The following TBL1XR1 variants were observed in gnomAD, a reference collection of about 807,000 sequenced individuals.
The protein encoded by TBL1XR1 is TBL1X/Y related 1.
TBL1XR1 carries 5 observed loss-of-function variants against 66.9 expected under a neutral mutation model. That is an observed-to-expected ratio of 0.07 (90% CI 0.04 to 0.16). The LOEUF is 0.16. Ranked by LOEUF, TBL1XR1 falls within the 10% of genes least tolerant of loss-of-function variation. The probability of loss-of-function intolerance (pLI) is 1.00; values close to 1 mark genes in which losing one functional copy is unlikely to be tolerated. For synonymous variants in TBL1XR1, 210 were observed against 206.0 expected (o/e 1.02, Z -0.17); for missense variants, 238 against 623.2 (o/e 0.38, Z 6.58).
upstream of TBL1XR1, among the ~76,000 whole-genome samples, chr3:177,198,727 A>G (rs1737240637): frequency 6.6e-6 from 1 of 152,234 alleles, no homozygotes; most frequent in South Asian, 2.1e-4. Context: ...CTGCCTTCAA[A>G]GCAAAATAAT....
In TBL1XR1 at chr3:177,046,208, G is replaced by A. The variant is rs375720678; in HGVS notation, c.865-19C>T. The A allele has an allele frequency of 6.3e-5, 96 of 1,524,058 alleles. No homozygotes were observed. The African/African-American group carries it at 1.1e-3, about 17-fold the overall frequency. The allele number at this position is 1,524,058 out of a possible 1,614,324, so 94.4% of individuals were successfully genotyped here. On this transcript the variant is annotated intron_variant, in intron 9 of 15. Coordinates refer to ENST00000457928, the MANE Select transcript of TBL1XR1 (RefSeq NM_024665.7). ...TTGTAGTCTGAGATTAAAAGGAAAAGAAAAATAAACTCATGGAAAGAAGTT... is the reference window on the plus strand; with the variant it reads ...TTGTAGTCTGAGATTAAAAGGAAAAAAAAAATAAACTCATGGAAAGAAGTT...
chr3:177,147,079 C>G (rs1471604520), intron 1 of TBL1XR1, among the ~76,000 whole-genome samples: 1 of 149,296 alleles, frequency 6.7e-6, no homozygotes, highest in Non-Finnish European at 1.5e-5. Context: ...TGTAGTCTTA[C>G]TCTATCACCC....
intron 2 of TBL1XR1, among the ~76,000 whole-genome samples, chr3:177,091,368 CATT>C (rs1195472186): frequency 7.9e-5 from 12 of 151,906 alleles, no homozygotes; most frequent in African/African-American, 2.2e-4. Context: ...TTGTTTAATA[CATT>C]ATTTTCTATT....
intron 2 of TBL1XR1, among the ~76,000 whole-genome samples, chr3:177,081,638 TG>T (rs1445011356): frequency 6.6e-6 from 1 of 150,476 alleles, no homozygotes; most frequent in Non-Finnish European, 1.5e-5. Context: ...CTCAGGAGGG[TG>T]GGGTGGGAGG....
Position 177,059,243 on chromosome 3 carries a change from G to A in TBL1XR1, c.59-5325C>T, listed in dbSNP as rs569336155. On this transcript the variant is annotated intron_variant, in intron 3 of 15. Transcript: ENST00000457928. The stretch of plus-strand genomic sequence containing the variant: ...AATGTCTGTTCATAAATGGCACTGG[G>A]CATAAGGTACATAGGAAGGAATGGC... Among the ~76,000 whole-genome samples the A allele has an allele frequency of 2.0e-5, 3 of 152,242 alleles. No individual in the cohort carries two copies. The East Asian group carries it at 5.8e-4, about 29-fold the overall frequency.
intron 1 of TBL1XR1, among the ~76,000 whole-genome samples, chr3:177,136,686 C>T (rs1430110929): frequency 1.3e-5 from 2 of 152,120 alleles, no homozygotes; most frequent in Non-Finnish European, 2.9e-5. Context: ...GTTTAAAAGG[C>T]GTCACATGAA....
chr3:177,171,555 AGGTGT>A (rs1197737728), intron 1 of TBL1XR1: 1 of 148,746 alleles, frequency 6.7e-6, no homozygotes, highest in Non-Finnish European at 1.5e-5. Flanking sequence ...AAAATTAACC[AGGTGT>A]GGTGTGGTGG....
Position 177,051,519 on chromosome 3 carries a change from C to A in TBL1XR1, c.412G>T (p.Ala138Ser), listed in dbSNP as rs1255617695. 1.2e-6 allele frequency: 2 copies of A among 1,612,236 alleles called. No homozygotes were observed. The highest frequency in any genetic ancestry group is 2.7e-5 in the African/African-American group (2 of 74,740). ...CTGAGCTCACTTGCTATAGTATGTG[C>A]TCCATTCTCCTCCCCATTTGCTGTG... ...ENTANGEENG[A>S]HTIANNHTDM... Residue 138 changes from alanine (A) to serine (S), a missense_variant, in exon 5 of 16, where the codon GCA becomes TCA. Transcript: ENST00000457928.
At chr3:177,029,176 C>T (rs1307929248) in intron 14 of TBL1XR1, among the ~76,000 whole-genome samples, 1 of 151,644 alleles carries the variant, frequency 6.6e-6, no homozygotes, top group African/African-American at 2.4e-5. Flanking sequence ...TGGCATGTGC[C>T]TGTAGACCCA....
At chr3:177,065,050 T>C in intron 2 of TBL1XR1, 28 bp from the exon 3 acceptor site, 1 of 1,315,586 alleles carries the variant, frequency 7.6e-7, no homozygotes, top group African/African-American at 1.6e-5. Context: ...TTAATTATTT[T>C]CTCAGTAAAA....
At chr3:177,070,778 G>A (rs1244722388) in intron 2 of TBL1XR1, among the ~76,000 whole-genome samples, 1 of 151,780 alleles carries the variant, frequency 6.6e-6, no homozygotes. Context: ...CCCAGGAGAC[G>A]GTAGCTGCAG....
At chr3:177,092,879 A>T (rs1196695529) in intron 2 of TBL1XR1, among the ~76,000 whole-genome samples, 1 of 152,156 alleles carries the variant, frequency 6.6e-6, no homozygotes, top group Non-Finnish European at 1.5e-5. Flanking sequence ...GGTGGAAGCA[A>T]CCCAAATGTC....
chr3:177,034,318 C>T lies in TBL1XR1; in HGVS notation c.1130G>A (p.Ser377Asn). ...CSDDMTLKIW[S>N]MKQDNCVHDL... ...ATGGACACAATTGTCTTGTTTCATACTCCATATCTAAACAAAAAAGAAAAA... is the reference window on the plus strand; with the variant it reads ...ATGGACACAATTGTCTTGTTTCATATTCCATATCTAAACAAAAAAGAAAAA... Residue 377 changes from serine (S) to asparagine (N), a missense_variant, in exon 13 of 16, where the codon AGT becomes AAT. Ser to Asn is a conservative substitution (Grantham distance 46, BLOSUM62 1). Around this residue, in one of 8 missense-constraint regions of TBL1XR1, gnomAD observed 89 missense variants for 220.2 expected, o/e 0.40. Transcript: ENST00000457928. The T allele has an allele frequency of 1.9e-6, 3 of 1,548,288 alleles. No homozygotes were observed. Among genetic ancestry groups the T allele is most frequent in the Non-Finnish European group, 2.6e-6 (3 of 1,156,530 alleles).
intron 1 of TBL1XR1, among the ~76,000 whole-genome samples, chr3:177,133,872 A>G (rs1215643557): frequency 1.4e-5 from 2 of 140,700 alleles, no homozygotes; most frequent in Non-Finnish European, 1.5e-5. Context: ...TGAGACTCCT[A>G]TCTCAAAAAA....
chr3:177,082,060 T>A (rs772919372), intron 2 of TBL1XR1, among the ~76,000 whole-genome samples: 3 of 152,158 alleles, frequency 2.0e-5, no homozygotes, highest in Non-Finnish European at 2.9e-5. Flanking sequence ...TTCTACCATC[T>A]CCAAAGTCAG....
At chr3:177,121,792 C>A (rs1727005576) in intron 1 of TBL1XR1, among the ~76,000 whole-genome samples, 1 of 152,024 alleles carries the variant, frequency 6.6e-6, no homozygotes, top group African/African-American at 2.4e-5. Flanking sequence ...ATTAAGGCTA[C>A]CTTCATGTCT....
intron 2 of TBL1XR1, among the ~76,000 whole-genome samples, chr3:177,088,821 G>A (rs954969877): frequency 2.0e-5 from 3 of 152,078 alleles, no homozygotes; most frequent in Non-Finnish European, 4.4e-5. Flanking sequence ...TCAACCAAAT[G>A]AAAATGGTTC....
intron 7 of TBL1XR1, 35 bp downstream of exon 7, chr3:177,049,962 G>C (rs201143676): frequency 2.3e-5 from 37 of 1,604,918 alleles, no homozygotes; most frequent in Non-Finnish European, 3.2e-5. Flanking sequence ...AGGTATACTA[G>C]TAATTATATC....
intron 1 of TBL1XR1, among the ~76,000 whole-genome samples, chr3:177,104,845 T>C (rs558000041): frequency 1.3e-5 from 2 of 152,334 alleles, no homozygotes; most frequent in South Asian, 2.1e-4. Flanking sequence ...AATAAACTAT[T>C]GTGCAAGAAT....
Sources: gnomAD v4.1 joint callset for allele counts (sites outside exome capture counted in the v4.1 genomes callset) on GRCh38, gnomAD v4.1.1 for gene constraint, gnomAD v4.1.1 regional missense constraint, MANE v1.5 for transcripts, NCBI Gene and HGNC (gene_info 2026-07-23, HGNC 2026-07-21) for gene names.